Variants in IMPACT observed in about 807,000 individuals in gnomAD.
The protein encoded by IMPACT is impact RWD domain protein.
Under a neutral mutation model 47.5 loss-of-function variants are expected in IMPACT, and 35 were observed. The ratio of observed to expected loss-of-function variants is 0.74; its 90% CI spans 0.56 to 0.98. The LOEUF is 0.98. Ranked by LOEUF, IMPACT falls within the 50% of genes least tolerant of loss-of-function variation. The probability of loss-of-function intolerance (pLI) is 0.00; values close to 1 mark genes in which losing one functional copy is unlikely to be tolerated. For synonymous variants in IMPACT, 118 were observed against 125.6 expected (o/e 0.94, Z 0.40); for missense variants, 373 against 394.8 (o/e 0.94, Z 0.47).
At position 24,447,478 on chromosome 18, in the gene IMPACT, T is replaced by G. The variant is rs79021031; in HGVS notation, c.669-615T>G. 3.5e-3 allele frequency among the ~76,000 whole-genome samples: 530 copies of G among 152,266 alleles called. 2 individuals are homozygous for G. Among genetic ancestry groups the G allele is most frequent in the African/African-American group, 0.012 (496 of 41,556 alleles). On this transcript the variant is annotated intron_variant, in intron 8 of 10. Transcript: ENST00000284202. The stretch of plus-strand genomic sequence containing the variant: ...TTATTTCAGATATAGCTTTCTAGTT[T>G]AAATGGATAAAAATACCACGATTTG...
At chr18:24,427,384 A>G (rs1908638560) in intron 1 of IMPACT, 1 of 153,052 alleles carries the variant, frequency 6.5e-6, no homozygotes, top group South Asian at 2.1e-4. Context: ...AGCCCAAAGA[A>G]TAATTTATGA....
chr18:24,448,970 T>C (rs924992528), intron 9 of IMPACT, among the ~76,000 whole-genome samples: 18 of 152,212 alleles, frequency 1.2e-4, no homozygotes, highest in African/African-American at 4.3e-4. Context: ...AGGTTTATTT[T>C]CTAACAAGGC....
At chr18:24,430,531 G>A (rs997134877) in intron 4 of IMPACT, 147 bp downstream of exon 4, 4 of 494,798 alleles carry the variant, frequency 8.1e-6, no homozygotes, top group South Asian at 3.8e-5. Context: ...AAGAGACCTC[G>A]AAAGGTTAGT....
intron 6 of IMPACT, among the ~76,000 whole-genome samples, chr18:24,441,500 A>G (rs1174354117): frequency 6.6e-6 from 1 of 152,164 alleles, no homozygotes. Flanking sequence ...GTTTAAACAA[A>G]TTTGTTTCGT....
At chr18:24,445,030 G>C (rs373718770) in intron 7 of IMPACT, among the ~76,000 whole-genome samples, 1 of 152,248 alleles carries the variant, frequency 6.6e-6, no homozygotes, top group Admixed American at 6.5e-5. Context: ...TACCACTATT[G>C]TACACCTGCT....
rs762743694 is a variant in IMPACT at position 24,437,940 on chromosome 18, CT to C, written c.282-14del. On this transcript the variant is annotated splice_polypyrimidine_tract_variant and intron_variant, in intron 4 of 10. Coordinates refer to ENST00000284202, the MANE Select transcript of IMPACT (RefSeq NM_018439.4). ...TTGAAATAACAATTTTTTTTTTCCC[CT>C]GAATTTTGTTTAGTCAGAATATCGG... 7.4e-7 allele frequency: 1 copy of C among 1,358,200 alleles called. No homozygotes were observed. Among genetic ancestry groups the C allele is most frequent in the East Asian group, 2.4e-5 (1 of 42,536 alleles). The allele number at this position is 1,358,200 out of a possible 1,614,324, so 84.1% of individuals were successfully genotyped here.
chr18:24,437,132 G>T (rs942137156), intron 4 of IMPACT, among the ~76,000 whole-genome samples: 5 of 152,108 alleles, frequency 3.3e-5, no homozygotes, highest in African/African-American at 1.2e-4. Flanking sequence ...AGAGATAATG[G>T]TTTCAAGGGA....
Position 24,450,375 on chromosome 18 carries a change from G to A in IMPACT, c.895-404G>A, listed in dbSNP as rs575812084. 2.0e-5 allele frequency among the ~76,000 whole-genome samples: 3 copies of A among 152,022 alleles called. No homozygotes were observed. The South Asian group carries it at 6.2e-4, about 32-fold the overall frequency. Reference sequence around the variant, plus strand: ...TGTCAAAACATCTCCCCCTTCACTGGCATACCTTTAGATGCTTTCTTCCTT... The same window carrying A: ...TGTCAAAACATCTCCCCCTTCACTGACATACCTTTAGATGCTTTCTTCCTT... On this transcript the variant is annotated intron_variant, in intron 10 of 10. Transcript: ENST00000284202.
chr18:24,432,721 A>C (rs1464780493), intron 4 of IMPACT, among the ~76,000 whole-genome samples: 1 of 151,384 alleles, frequency 6.6e-6, no homozygotes, highest in African/African-American at 2.4e-5. Context: ...CCAGTAGAAT[A>C]AGATCAGTAT....
At chr18:24,446,252 G>A (rs113876353) in intron 8 of IMPACT, among the ~76,000 whole-genome samples, 1,826 of 152,152 alleles carry the variant, frequency 0.012, 43 homozygotes, top group African/African-American at 0.043. Flanking sequence ...TTTTTGTAGT[G>A]ACAGGGTTCT....
At chr18:24,429,666 A>G (rs1330139931) in intron 3 of IMPACT, 15 of 152,012 alleles carry the variant, frequency 9.9e-5, no homozygotes, top group Admixed American at 9.8e-4. Flanking sequence ...TTGTGCACAT[A>G]TTTTAAAACC....
chr18:24,447,653 T>C (rs938853333), intron 8 of IMPACT, among the ~76,000 whole-genome samples: 5 of 152,192 alleles, frequency 3.3e-5, no homozygotes, highest in African/African-American at 1.2e-4. Flanking sequence ...TTTTTTTATA[T>C]GCTTTTTGTT....
chr18:24,434,941 G>T (rs1908884212), intron 4 of IMPACT, among the ~76,000 whole-genome samples: 1 of 149,012 alleles, frequency 6.7e-6, no homozygotes, highest in South Asian at 2.1e-4. Context: ...CTAGGATTTG[G>T]TGATTAATTA....
intron 6 of IMPACT, among the ~76,000 whole-genome samples, chr18:24,441,831 T>C (rs1273645568): frequency 6.6e-6 from 1 of 152,204 alleles, no homozygotes; most frequent in African/African-American, 2.4e-5. Flanking sequence ...AATCATTTAT[T>C]TGTGTGTGGA....
rs552556832 is a variant in IMPACT at position 24,434,745 on chromosome 18, A to C, written c.282-3210A>C. 2.1e-4 allele frequency among the ~76,000 whole-genome samples: 30 copies of C among 145,224 alleles called. 1 individual carries two copies. The highest frequency in any genetic ancestry group is 1.5e-4 in the Non-Finnish European group (10 of 66,526). ...GCCATTGCACTCCAGCCTGGGCAACAAGAGCAAAACTCTGTCTCAAAAAAA... is the reference window on the plus strand; with the variant it reads ...GCCATTGCACTCCAGCCTGGGCAACCAGAGCAAAACTCTGTCTCAAAAAAA... On this transcript the variant is annotated intron_variant, in intron 4 of 10. Coordinates refer to ENST00000284202, the MANE Select transcript of IMPACT (RefSeq NM_018439.4).
chr18:24,429,021 C>A, intron 3 of IMPACT, 100 bp downstream of exon 3: 1 of 716,104 alleles, frequency 1.4e-6, no homozygotes, highest in Non-Finnish European at 2.3e-6. Flanking sequence ...TTCTTATTAA[C>A]ATGTATATAG....
chr18:24,430,383 A>T lies in IMPACT; in HGVS notation c.280A>T (p.Ile94Phe). The change falls in exon 4 of 11, where the codon ATT becomes TTT. Residue 94 changes from isoleucine (I) to phenylalanine (F), a missense_variant and splice_region_variant. Transcript: ENST00000284202. ...ATCAAATAGCCTTGAGGAAATATAT[A>T]TGTAAGTGACAGGCGATTTTTTAAA... ...DLSNSLEEIYIQNIGESILYL... is the reference protein window; with the variant it reads ...DLSNSLEEIYFQNIGESILYL... 6.3e-7 allele frequency: 1 copy of T among 1,594,244 alleles called. No individual in the cohort carries two copies. The highest frequency in any genetic ancestry group is 1.1e-5 in the South Asian group (1 of 87,192).
intron 4 of IMPACT, among the ~76,000 whole-genome samples, chr18:24,433,184 CTTTTTTTTTTTTTTTT>C (rs35543338): frequency 1.2e-5 from 1 of 81,100 alleles, no homozygotes; most frequent in South Asian, 5.2e-4. Context: ...ACTTTTAAAA[CTTTTTTTTTTTTTTTT>C]TTTTTTTTTT....
rs1909415040 is a variant in IMPACT, at chr18:24,452,632, A to G, written c.*1785A>G. On this transcript the variant is annotated 3_prime_UTR_variant, in exon 11 of 11. Transcript: ENST00000284202. ...GAGATGCAAAATTCTCCAGCTCTGA[A>G]CTTGGAGCTACTTCACACTCTACTC... The G allele has an allele frequency of 6.6e-6, 1 of 152,104 alleles. No homozygotes were observed. Among genetic ancestry groups the G allele is most frequent in the African/African-American group, 2.4e-5 (1 of 41,420 alleles). 9.4% of individuals were successfully genotyped at this position (152,104 alleles called of 1,614,324 possible).
Sources: gnomAD v4.1 joint callset for allele counts (sites outside exome capture counted in the v4.1 genomes callset) on GRCh38, gnomAD v4.1.1 for gene constraint, MANE v1.5 for transcripts, NCBI Gene and HGNC (gene_info 2026-07-23, HGNC 2026-07-21) for gene names.